CASK: variants seen among roughly 807,000 people sequenced by gnomAD.
CASK encodes the protein peripheral plasma membrane protein CASK.
Under a neutral mutation model 82.9 loss-of-function variants are expected in CASK, and 4 were observed. That is an observed-to-expected ratio of 0.05 (90% CI 0.02 to 0.11). The LOEUF (loss-of-function observed/expected upper bound fraction) is 0.11. Among genes scored for constraint, CASK ranks in the 10% least tolerant of loss-of-function variants. The pLI, the probability that CASK is intolerant of heterozygous loss-of-function variation, is 1.00. For synonymous variants in CASK, 259 were observed against 253.5 expected (o/e 1.02, Z -0.20); for missense variants, 358 against 720.9 (o/e 0.50, Z 5.76).
chrX:41,679,421 C>G (rs1340733369), intron 5 of CASK, among the ~76,000 whole-genome samples: 1 of 112,213 alleles, frequency 8.9e-6, no homozygotes, highest in Non-Finnish European at 1.9e-5. Context: ...TTCTGAGATT[C>G]ATTCATTTTG....
At chrX:41,552,960 G>A (rs996481401) in intron 21 of CASK, among the ~76,000 whole-genome samples, 2 of 111,894 alleles carry the variant, frequency 1.8e-5, no homozygotes, top group Non-Finnish European at 3.8e-5. Context: ...TTTGCCACAT[G>A]AAACAAAACT....
intron 3 of CASK, among the ~76,000 whole-genome samples, chrX:41,765,586 A>C (rs953985698): frequency 9.0e-6 from 1 of 111,674 alleles, no homozygotes; most frequent in African/African-American, 3.3e-5. Context: ...ACTGCCATGG[A>C]GTGATCCCCA....
At chrX:41,800,367 C>T (rs1385877251) in intron 2 of CASK, among the ~76,000 whole-genome samples, 2 of 110,791 alleles carry the variant, frequency 1.8e-5, no homozygotes, top group Non-Finnish European at 3.8e-5. Context: ...TCCCCATTTT[C>T]CCCAGCTCCT....
chrX:41,609,678 G>T (rs1292903101), intron 12 of CASK, among the ~76,000 whole-genome samples: 1 of 108,446 alleles, frequency 9.2e-6, no homozygotes, highest in Non-Finnish European at 1.9e-5. Context: ...CGCCTCCTCA[G>T]CTCAGTCCTA....
At chrX:41,695,908 A>G (rs2067680044) in intron 5 of CASK, 1 of 1,209,659 alleles carries the variant, frequency 8.3e-7, no homozygotes, top group Non-Finnish European at 1.1e-6. Context: ...ATTCAAATTT[A>G]TCTACTTAAC....
At chrX:41,581,558 T>C (rs1466982563) in intron 14 of CASK, among the ~76,000 whole-genome samples, 1 of 110,394 alleles carries the variant, frequency 9.1e-6, no homozygotes, top group South Asian at 3.8e-4. Context: ...AGCAAATAAG[T>C]GTGAAATTAT....
chrX:41,657,840 G>T (rs1036682078), intron 8 of CASK, among the ~76,000 whole-genome samples: 1 of 111,559 alleles, frequency 9.0e-6, no homozygotes, highest in Non-Finnish European at 1.9e-5. Context: ...AAAATCCTTA[G>T]AAACGCCAAA....
intron 1 of CASK, among the ~76,000 whole-genome samples, chrX:41,907,322 T>C (rs921021681): frequency 5.3e-5 from 6 of 112,163 alleles, no homozygotes; most frequent in Middle Eastern, 4.6e-3. Flanking sequence ...CTGACCTTGC[T>C]ACCAGAGCCA....
intron 22 of CASK, among the ~76,000 whole-genome samples, chrX:41,538,004 C>T (rs767721328): frequency 9.1e-6 from 1 of 109,809 alleles, no homozygotes; most frequent in African/African-American, 3.3e-5. Context: ...TGCCACCACA[C>T]CCAGCTAATT....
At chrX:41,871,870 T>C (rs2148009168) in intron 1 of CASK, among the ~76,000 whole-genome samples, 1 of 112,351 alleles carries the variant, frequency 8.9e-6, no homozygotes, top group South Asian at 3.7e-4. Context: ...CTTCTGTCCC[T>C]CCATTGCTGC....
At chrX:41,643,123 G>C (rs1367901128) in intron 8 of CASK, among the ~76,000 whole-genome samples, 2 of 110,112 alleles carry the variant, frequency 1.8e-5, no homozygotes, top group Non-Finnish European at 3.8e-5. Context: ...GTTTTGGTAC[G>C]AGTACCATGC....
At chrX:41,798,888 A>C (rs1390269028) in intron 2 of CASK, among the ~76,000 whole-genome samples, 1 of 112,400 alleles carries the variant, frequency 8.9e-6, no homozygotes, top group Admixed American at 9.4e-5. Context: ...GAACCCAGGT[A>C]GAACCAATAA....
At chrX:41,607,501 A>C (rs1342842527) in intron 12 of CASK, among the ~76,000 whole-genome samples, 1 of 112,391 alleles carries the variant, frequency 8.9e-6, no homozygotes, top group Non-Finnish European at 1.9e-5. Flanking sequence ...TGCACTAACT[A>C]GTTCTAGTAA....
intron 11 of CASK, among the ~76,000 whole-genome samples, chrX:41,612,528 T>A (rs2147289057): frequency 1.1e-5 from 1 of 93,430 alleles, no homozygotes; most frequent in South Asian, 5.2e-4. Flanking sequence ...GGGAAGGAGG[T>A]GGGGGTCAGC....
chrX:41,591,070 A>G (rs2065737618), intron 12 of CASK, among the ~76,000 whole-genome samples: 1 of 112,188 alleles, frequency 8.9e-6, no homozygotes, highest in East Asian at 2.8e-4. Flanking sequence ...TATTTAAAAC[A>G]TTATATTAAC....
chrX:41,782,822 G>A (rs1480506405), intron 3 of CASK, among the ~76,000 whole-genome samples: 1 of 112,046 alleles, frequency 8.9e-6, no homozygotes, highest in Admixed American at 9.5e-5. Context: ...TGCTTTCTGT[G>A]ATCATTACTT....
chrX:41,668,073 AG>A (rs1175582987), intron 6 of CASK, among the ~76,000 whole-genome samples: 1 of 111,826 alleles, frequency 8.9e-6, no homozygotes, highest in African/African-American at 3.2e-5. Flanking sequence ...ACTAGCAACC[AG>A]TTTATTTCAT....
chrX:41,560,453 G>A lies in CASK; in HGVS notation c.1669-606C>T, dbSNP rs113361164. Among the ~76,000 whole-genome samples the A allele has an allele frequency of 3.4e-3, 352 of 105,036 alleles. 3 individuals carry two copies. Among genetic ancestry groups the A allele is most frequent in the Non-Finnish European group, 4.8e-3 (244 of 50,850 alleles). The allele number at this position is 105,036 out of a possible 115,157, so 91.2% of individuals were successfully genotyped here. On this transcript the variant is annotated intron_variant, in intron 17 of 26. Coordinates refer to ENST00000378163, the MANE Select transcript of CASK (RefSeq NM_001367721.1). ...TAATGTTTGTATTTTTAGTAGAGACGGGGTTTCACCATGTTGGCCAGGCTG... is the reference window on the plus strand; with the variant it reads ...TAATGTTTGTATTTTTAGTAGAGACAGGGTTTCACCATGTTGGCCAGGCTG...
chrX:41,591,555 G>GC, intron 12 of CASK, among the ~76,000 whole-genome samples: 1 of 108,054 alleles, frequency 9.3e-6, no homozygotes, highest in East Asian at 2.9e-4. Context: ...GCTCACTGCA[G>GC]CCTCTGCCTC....
Sources: gnomAD v4.1 joint callset for allele counts (sites outside exome capture counted in the v4.1 genomes callset) on GRCh38, gnomAD v4.1.1 for gene constraint, MANE v1.5 for transcripts, NCBI Gene and HGNC (gene_info 2026-07-23, HGNC 2026-07-21) for gene names.